Variants in KIAA0232 observed in about 807,000 individuals in gnomAD.
KIAA0232 encodes uncharacterized protein KIAA0232.
In KIAA0232, 27 loss-of-function variants were observed where a neutral mutation model predicts 122.0. The observed-to-expected ratio is 0.22, with a 90% CI of 0.16 to 0.31. The LOEUF (loss-of-function observed/expected upper bound fraction) is 0.31, where lower values mean the gene tolerates loss of function less well. Among genes scored for constraint, KIAA0232 ranks in the 10% least tolerant of loss-of-function variants. The pLI is 1.00. For missense variants in KIAA0232, 1,551 were observed against 1,634.2 expected (o/e 0.95, Z 0.88); for synonymous variants, 613 against 587.6 (o/e 1.04, Z -0.63).
intron 9 of KIAA0232, among the ~76,000 whole-genome samples, chr4:6,879,328 A>G (rs536248603): frequency 3.9e-5 from 6 of 152,184 alleles, no homozygotes; most frequent in African/African-American, 1.4e-4. Context: ...CGTGTATCCG[A>G]GGCCAGAGAG....
chr4:6,848,021 C>T (rs1720061201), intron 4 of KIAA0232, among the ~76,000 whole-genome samples: 1 of 152,154 alleles, frequency 6.6e-6, no homozygotes, highest in South Asian at 2.1e-4. Flanking sequence ...AATAACTCTT[C>T]CATAATACCA....
rs571320559 is a variant in KIAA0232 at position 6,864,159 on chromosome 4, A to G, written c.3777A>G (p.Pro1259=). Reference sequence around the variant, plus strand: ...AGTTTCCTGCTTATGAAGATAATCCAGTTTCTTCGGGACAGCTGGAAGAGG... The same window carrying G: ...AGTTTCCTGCTTATGAAGATAATCCGGTTTCTTCGGGACAGCTGGAAGAGG... ...GCQFPAYEDN[P]VSSGQLEEFP... Residue 1259 remains proline (P), a synonymous_variant, in exon 7 of 10, where the codon CCA becomes CCG. Transcript: ENST00000307659. 218 of 1,612,854 alleles carry G rather than the reference A, an allele frequency of 1.4e-4. No individual in the cohort carries two copies. In the South Asian group the frequency reaches 2.1e-3, roughly 15 times the overall value.
chr4:6,824,907 C>T (rs937586458), intron 3 of KIAA0232, among the ~76,000 whole-genome samples: 33 of 152,176 alleles, frequency 2.2e-4, no homozygotes, highest in African/African-American at 8.0e-4. Context: ...TAGACTTTCT[C>T]ACTGTTGGTT....
chr4:6,825,982 C>G (rs1315116039), intron 3 of KIAA0232, among the ~76,000 whole-genome samples: 5 of 152,156 alleles, frequency 3.3e-5, no homozygotes, highest in African/African-American at 9.7e-5. Context: ...CAGGGTCTTG[C>G]TCTGTCACCC....
chr4:6,783,801 A>G (rs1328793650), intron 1 of KIAA0232, among the ~76,000 whole-genome samples: 1 of 152,162 alleles, frequency 6.6e-6, no homozygotes, highest in African/African-American at 2.4e-5. Context: ...CTGCGCGGCA[A>G]ACCCTGTCGC....
intron 9 of KIAA0232, among the ~76,000 whole-genome samples, chr4:6,878,104 G>A (rs186524961): frequency 2.0e-5 from 3 of 152,324 alleles, no homozygotes; most frequent in African/African-American, 7.2e-5. Context: ...GCCGGGCGCT[G>A]TGGCTCACGC....
At chr4:6,841,038 A>G (rs560286863) in intron 3 of KIAA0232, among the ~76,000 whole-genome samples, 1 of 152,344 alleles carries the variant, frequency 6.6e-6, no homozygotes, top group African/African-American at 2.4e-5. Flanking sequence ...CAGAATGCAA[A>G]CAAGTGTGTG....
intron 2 of KIAA0232, among the ~76,000 whole-genome samples, chr4:6,814,475 T>G (rs1718028974): frequency 6.6e-6 from 1 of 152,110 alleles, no homozygotes. Flanking sequence ...ATCCTATTAG[T>G]AACAGAACTT....
At chr4:6,856,149 T>G (rs906881600) in intron 4 of KIAA0232, among the ~76,000 whole-genome samples, 3 of 152,188 alleles carry the variant, frequency 2.0e-5, no homozygotes, top group Admixed American at 6.5e-5. Context: ...ATGTAGGATA[T>G]CTATAATATT....
chr4:6,862,013 A>T lies in KIAA0232; in HGVS notation c.1631A>T (p.Asn544Ile). 1.9e-6 allele frequency: 3 copies of T among 1,614,226 alleles called. No homozygotes were observed. Among genetic ancestry groups the T allele is most frequent in the Non-Finnish European group, 2.5e-6 (3 of 1,180,036 alleles). Residue 544 changes from asparagine to isoleucine, a missense_variant, in exon 7 of 10, where the codon AAC (asparagine) becomes ATC (isoleucine). Transcript: ENST00000307659. ...LNMIRQKSKE[N>I]TDFEAECCIV... ...ATGATTCGACAGAAAAGCAAAGAGAACACAGATTTTGAGGCAGAATGTTGC... is the reference window on the plus strand; with the variant it reads ...ATGATTCGACAGAAAAGCAAAGAGATCACAGATTTTGAGGCAGAATGTTGC...
chr4:6,869,242 G>A (rs556430637), intron 7 of KIAA0232, among the ~76,000 whole-genome samples: 4 of 152,260 alleles, frequency 2.6e-5, no homozygotes, highest in African/African-American at 9.6e-5. Flanking sequence ...CCTCAAGAAA[G>A]GATGAAAAGA....
chr4:6,839,841 T>A (rs1719550665), intron 3 of KIAA0232, among the ~76,000 whole-genome samples: 1 of 152,130 alleles, frequency 6.6e-6, no homozygotes, highest in Non-Finnish European at 1.5e-5. Flanking sequence ...GAGGAGGTCA[T>A]CACTGTGGGC....
At chr4:6,874,116 A>C (rs1721631657) in intron 8 of KIAA0232, among the ~76,000 whole-genome samples, 3 of 152,246 alleles carry the variant, frequency 2.0e-5, no homozygotes, top group African/African-American at 7.2e-5. Context: ...ACCATATAAG[A>C]AAGCCCCAGC....
At chr4:6,870,360 T>G (rs1180571607) in intron 7 of KIAA0232, among the ~76,000 whole-genome samples, 1 of 152,240 alleles carries the variant, frequency 6.6e-6, no homozygotes, top group Non-Finnish European at 1.5e-5. Flanking sequence ...TCAGGAATCA[T>G]TCTCTCATCT....
At chr4:6,857,262 C>G (rs776897175) in intron 5 of KIAA0232, 32 bp downstream of exon 5, 1 of 1,566,708 alleles carries the variant, frequency 6.4e-7, no homozygotes, top group South Asian at 1.2e-5. Context: ...GCACACATGC[C>G]AGGATTACAT....
chr4:6,783,199 G>A (rs997854646), intron 1 of KIAA0232, among the ~76,000 whole-genome samples: 3 of 152,182 alleles, frequency 2.0e-5, no homozygotes, highest in Non-Finnish European at 4.4e-5. Context: ...GCCAGCCGAG[G>A]GAGGCCTGAC....
intron 1 of KIAA0232, among the ~76,000 whole-genome samples, chr4:6,789,692 C>T (rs1399950185): frequency 6.6e-6 from 1 of 152,140 alleles, no homozygotes; most frequent in African/African-American, 2.4e-5. Context: ...GACAGGCAAA[C>T]CTGTCTGTAG....
intron 3 of KIAA0232, among the ~76,000 whole-genome samples, chr4:6,825,558 C>G (rs942472440): frequency 7.3e-5 from 11 of 151,600 alleles, no homozygotes; most frequent in African/African-American, 2.7e-4. Context: ...CTGTCTCTCT[C>G]TCGCACGCAT....
chr4:6,866,869 A>G (rs957975036), intron 7 of KIAA0232, among the ~76,000 whole-genome samples: 1 of 152,192 alleles, frequency 6.6e-6, no homozygotes, highest in Admixed American at 6.5e-5. Context: ...AACTTGTACC[A>G]TGTTACTTAT....
Sources: gnomAD v4.1 joint callset for allele counts (sites outside exome capture counted in the v4.1 genomes callset) on GRCh38, gnomAD v4.1.1 for gene constraint, MANE v1.5 for transcripts, NCBI Gene and HGNC (gene_info 2026-07-23, HGNC 2026-07-21) for gene names.